DLC1: variants seen among roughly 807,000 people sequenced by gnomAD.
DLC1 encodes DLC1 Rho GTPase activating protein.
DLC1 carries 54 observed loss-of-function variants against 140.3 expected under a neutral mutation model. The ratio of observed to expected loss-of-function variants is 0.38; its 90% confidence interval spans 0.31 to 0.48. The LOEUF (loss-of-function observed/expected upper bound fraction) is 0.48, where lower values mean the gene tolerates loss of function less well. Among genes scored for constraint, DLC1 ranks in the 20% least tolerant of loss-of-function variants. The pLI, the probability that DLC1 is intolerant of heterozygous loss-of-function variation, is 0.96. For missense variants in DLC1, 2,536 were observed against 1,907.0 expected, an observed-to-expected ratio of 1.33 and a Z score of -6.14; for synonymous variants, 986 against 728.1, an observed-to-expected ratio of 1.35 and a Z score of -5.70.
At chr8:13,314,978 G>A (rs1832810244) in intron 4 of DLC1, among the ~76,000 whole-genome samples, 1 of 152,136 alleles carries the variant, frequency 6.6e-6, no homozygotes, top group African/African-American at 2.4e-5. Context: ...GTAAAATATA[G>A]GTTTTATTTT....
rs559101899 is a variant in DLC1 at position 13,510,623 on chromosome 8, C to T, written c.-126+3979G>A. On this transcript the variant is annotated intron_variant, in intron 1 of 17. Transcript: ENST00000276297. Reference sequence around the variant, plus strand: ...GGGCAAACATCAAATCACAGAGCGTCAAGTGGTTAAGAGGAAATCAGAGCC... The same window carrying T: ...GGGCAAACATCAAATCACAGAGCGTTAAGTGGTTAAGAGGAAATCAGAGCC... Among the ~76,000 whole-genome samples the T allele has an allele frequency of 2.9e-4, 44 of 152,264 alleles. 1 individual carries two copies. Among genetic ancestry groups the T allele is most frequent in the African/African-American group, 1.1e-3 (44 of 41,566 alleles).
At position 13,098,518 on chromosome 8, in the gene DLC1, T is replaced by C; in HGVS notation, c.3048A>G (p.Val1016=). 6.2e-7 allele frequency: 1 copy of C among 1,614,202 alleles called. No homozygotes were observed. Among genetic ancestry groups the C allele is most frequent in the Non-Finnish European group, 8.5e-7 (1 of 1,180,006 alleles). The change falls in exon 10 of 18, where the codon GTA becomes GTG. Residue 1016 remains valine, a synonymous_variant. Transcript: ENST00000276297. The stretch of plus-strand genomic sequence containing the variant: ...CAGACTGGCAGTTAATCTGTAGTGA[T>C]ACAGAGTTGAGGCTTGGCCGATGTG... ...QSSHRPSLNS[V]SLQINCQSVA... is the part of the protein sequence containing the mutation.
chr8:13,257,653 T>G (rs925120179), intron 5 of DLC1, among the ~76,000 whole-genome samples: 4 of 152,118 alleles, frequency 2.6e-5, no homozygotes, highest in Admixed American at 2.6e-4. Flanking sequence ...ATTTCCTGAT[T>G]ACATCAAGAG....
chr8:13,396,568 T>A (rs1436688673), intron 3 of DLC1, among the ~76,000 whole-genome samples: 1 of 152,132 alleles, frequency 6.6e-6, no homozygotes. Flanking sequence ...ACACGAGAGA[T>A]GGTGGGTGAA....
intron 1 of DLC1, among the ~76,000 whole-genome samples, chr8:13,546,174 A>T (rs1156464664): frequency 6.6e-6 from 1 of 152,142 alleles, no homozygotes; most frequent in African/African-American, 2.4e-5. Flanking sequence ...TGGTTTTCTC[A>T]TATTGGTCAT....
At chr8:13,395,033 T>A (rs758081742) in intron 3 of DLC1, among the ~76,000 whole-genome samples, 1 of 80,592 alleles carries the variant, frequency 1.2e-5, no homozygotes, top group Non-Finnish European at 2.3e-5. Context: ...TATCTATCTA[T>A]CATCTATCTA....
chr8:13,099,221 C>T, intron 9 of DLC1, 126 bp downstream of exon 9: 3 of 1,464,250 alleles, frequency 2.0e-6, no homozygotes, highest in Non-Finnish European at 2.7e-6. Flanking sequence ...GGTTTGACAC[C>T]TTCCTTAGGA....
rs937113407 is a variant in DLC1, at chr8:13,084,804, T to A, written c.*1007A>T. 6.6e-6 allele frequency: 1 copy of A among 152,212 alleles called. No individual in the cohort carries two copies. Among genetic ancestry groups the A allele is most frequent in the African/African-American group, 2.4e-5 (1 of 41,462 alleles). The allele number at this position is 152,212 out of a possible 1,614,324, so 9.4% of individuals were successfully genotyped here. Reference sequence around the variant, plus strand: ...TACAGGGATTTCCTTGGGACACACATAGTTTCCTATATTCCCAAACATAGT... The same window carrying A: ...TACAGGGATTTCCTTGGGACACACAAAGTTTCCTATATTCCCAAACATAGT... On this transcript the variant is annotated 3_prime_UTR_variant, in exon 18 of 18. Coordinates refer to ENST00000276297, the MANE Select transcript of DLC1 (RefSeq NM_182643.3).
intron 4 of DLC1, among the ~76,000 whole-genome samples, chr8:13,327,018 G>T (rs2410046): frequency 0.44 from 67,117 of 151,600 alleles, 15,348 homozygotes; most frequent in Admixed American, 0.58. Flanking sequence ...GCAGTGGCAC[G>T]ATCTTGGCTC....
chr8:13,478,435 A>G (rs541392995), intron 2 of DLC1, among the ~76,000 whole-genome samples: 1 of 152,322 alleles, frequency 6.6e-6, no homozygotes, highest in South Asian at 2.1e-4. Context: ...TTGGACAGGG[A>G]CACATATTCA....
At chr8:13,171,200 A>G (rs1825453579) in intron 5 of DLC1, among the ~76,000 whole-genome samples, 1 of 152,218 alleles carries the variant, frequency 6.6e-6, no homozygotes, top group South Asian at 2.1e-4. Context: ...TTGCTACTGA[A>G]TTAACGTGTC....
chr8:13,577,980 G>C (rs556915315), intron 1 of DLC1, among the ~76,000 whole-genome samples: 4 of 151,476 alleles, frequency 2.6e-5, no homozygotes, highest in South Asian at 4.2e-4. Flanking sequence ...GTTTATTCCT[G>C]TAACACTGAG....
chr8:13,487,928 A>G (rs1306078020), intron 2 of DLC1, among the ~76,000 whole-genome samples: 1 of 152,250 alleles, frequency 6.6e-6, no homozygotes, highest in African/African-American at 2.4e-5. Context: ...ACATTTTATC[A>G]GATATTTATG....
At chr8:13,502,782 T>G (rs568214420) in intron 1 of DLC1, among the ~76,000 whole-genome samples, 1 of 152,346 alleles carries the variant, frequency 6.6e-6, no homozygotes, top group African/African-American at 2.4e-5. Flanking sequence ...TGTAATCCTA[T>G]TCATGCAGTT....
intron 2 of DLC1, among the ~76,000 whole-genome samples, chr8:13,453,462 A>G (rs867417176): frequency 3.7e-4 from 11 of 29,890 alleles, no homozygotes; most frequent in East Asian, 1.1e-3. Flanking sequence ...ATATATATGT[A>G]TATATATACA....
intron 2 of DLC1, among the ~76,000 whole-genome samples, chr8:13,464,586 C>T (rs1799834992): frequency 1.3e-5 from 2 of 151,632 alleles, no homozygotes; most frequent in African/African-American, 2.4e-5. Flanking sequence ...TGTGAATCCA[C>T]CCCCCGCCAC....
At chr8:13,283,464 G>A (rs1049725590) in intron 5 of DLC1, among the ~76,000 whole-genome samples, 1 of 152,134 alleles carries the variant, frequency 6.6e-6, no homozygotes, top group African/African-American at 2.4e-5. Context: ...CAATTTTGGG[G>A]CCACAGAATA....
chr8:13,121,291 C>G (rs764641185), intron 5 of DLC1, among the ~76,000 whole-genome samples: 3 of 152,114 alleles, frequency 2.0e-5, no homozygotes, highest in Non-Finnish European at 4.4e-5. Context: ...TTCTCCTCCC[C>G]GTGGTGACAA....
intron 5 of DLC1, among the ~76,000 whole-genome samples, chr8:13,162,767 C>A (rs1325709425): frequency 6.6e-6 from 1 of 152,054 alleles, no homozygotes; most frequent in Non-Finnish European, 1.5e-5. Context: ...CAGTGAGACC[C>A]CGTCTTTACG....
Sources: allele counts gnomAD v4.1 joint callset (sites outside exome capture counted in the v4.1 genomes callset), GRCh38; gene constraint gnomAD v4.1.1; transcripts MANE v1.5; gene names NCBI Gene and HGNC (gene_info 2026-07-23, HGNC 2026-07-21).